The following SHQ1 variants were observed in gnomAD, a reference collection of about 807,000 sequenced individuals.
The protein encoded by SHQ1 is SHQ1, H/ACA ribonucleoprotein assembly factor.
SHQ1 carries 49 observed loss-of-function variants against 53.8 expected under a neutral mutation model. The observed-to-expected ratio is 0.91, with a 90% CI of 0.72 to 1.16. The LOEUF is 1.16. Ranked by LOEUF, SHQ1 falls within the 50% of genes most tolerant of loss-of-function variation. The pLI, the probability that SHQ1 is intolerant of heterozygous loss-of-function variation, is 0.00. For missense variants in SHQ1, 738 were observed against 683.1 expected, an observed-to-expected ratio of 1.08 and a Z score of -0.90; for synonymous variants, 243 against 251.0, an observed-to-expected ratio of 0.97 and a Z score of 0.30.
the SHQ1 span, among the ~76,000 whole-genome samples, chr3:72,728,929 T>TG: frequency 6.6e-6 from 1 of 152,226 alleles, no homozygotes; most frequent in African/African-American, 2.4e-5. Flanking sequence ...ATGCTGTTGT[T>TG]GGATTCTCGC....
At chr3:72,801,390 G>T (rs1370869652) in intron 9 of SHQ1, among the ~76,000 whole-genome samples, 1 of 151,972 alleles carries the variant, frequency 6.6e-6, no homozygotes, top group African/African-American at 2.4e-5. Flanking sequence ...TTTTCCAACA[G>T]ATACCACTTA....
At chr3:72,783,881 C>T (rs1706145577) in intron 10 of SHQ1, among the ~76,000 whole-genome samples, 1 of 152,046 alleles carries the variant, frequency 6.6e-6, no homozygotes, top group African/African-American at 2.4e-5. Context: ...GAGCACTACT[C>T]AATTTCCAGT....
chr3:72,780,454 C>A (rs1013075126), intron 10 of SHQ1, among the ~76,000 whole-genome samples: 2 of 152,140 alleles, frequency 1.3e-5, no homozygotes, highest in African/African-American at 4.8e-5. Flanking sequence ...AAGAACTAAA[C>A]CCTTATTTTT....
At chr3:72,845,947 A>C (rs1485105206) in intron 1 of SHQ1, among the ~76,000 whole-genome samples, 1 of 152,246 alleles carries the variant, frequency 6.6e-6, no homozygotes, top group African/African-American at 2.4e-5. Context: ...ATTAACTCCT[A>C]GATCTGCCAT....
the SHQ1 span, among the ~76,000 whole-genome samples, chr3:72,725,425 A>G: frequency 6.6e-6 from 1 of 151,890 alleles, no homozygotes; most frequent in Non-Finnish European, 1.5e-5. Flanking sequence ...CGCTCTGTGG[A>G]AAGTTCTCAT....
chr3:72,735,652 A>G, the SHQ1 span, among the ~76,000 whole-genome samples: 1 of 146,036 alleles, frequency 6.8e-6, no homozygotes, highest in Non-Finnish European at 1.5e-5. Flanking sequence ...TATATTGCTC[A>G]GAATGTGTTT....
At chr3:72,847,225 A>C (rs77618856) in intron 1 of SHQ1, among the ~76,000 whole-genome samples, 4,538 of 152,302 alleles carry the variant, frequency 0.03, 197 homozygotes, top group African/African-American at 0.089. Context: ...GTCTAAGGGA[A>C]ATCTGAGCAA....
chr3:72,842,208 T>C lies in SHQ1; in HGVS notation c.331+72A>G, dbSNP rs1043623854. The C allele has an allele frequency of 4.5e-6, 7 of 1,541,398 alleles. No individual in the cohort carries two copies. In the Admixed American group the frequency reaches 1.2e-4, roughly 26 times the overall value. ...CAATTTCCTATTCACTATATCCCAT[T>C]TCCCCTACAAATACACAGCATTCCA... On this transcript the variant is annotated intron_variant, in intron 3 of 10. Transcript: ENST00000325599.
Position 72,832,448 on chromosome 3 carries a change from G to T in SHQ1, c.520C>A (p.Pro174Thr). The T allele has an allele frequency of 6.2e-7, 1 of 1,612,792 alleles. No individual in the cohort carries two copies. Among genetic ancestry groups the T allele is most frequent in the Non-Finnish European group, 8.5e-7 (1 of 1,179,836 alleles). ...CGTTCAGCTGCAGGGGTGAAATCTG[G>T]ATCCTTAATATCAATAACATCACTC... Reference protein sequence around the residue: ...ELSDVIDIKDPDFTPAAERRQ... With the variant: ...ELSDVIDIKDTDFTPAAERRQ... The change falls in exon 5 of 11, where the codon CCA becomes ACA. Residue 174 changes from proline to threonine, a missense_variant. By Grantham distance (38) the Pro-to-Thr change is conservative. Coordinates refer to ENST00000325599, the MANE Select transcript of SHQ1 (RefSeq NM_018130.3).
rs753826204 is a variant in SHQ1, at chr3:72,772,223, G to GA, written c.1181+20692dup. ...TAGAGAAAATGGAATGTGCCAAAGCGAAAAAAAAAAAAAGCTCCAGTTTAT... is the reference window on the plus strand; with the variant it reads ...TAGAGAAAATGGAATGTGCCAAAGCGAAAAAAAAAAAAAAGCTCCAGTTTAT... On this transcript the variant is annotated intron_variant, in intron 10 of 10. Transcript: ENST00000325599. Among the ~76,000 whole-genome samples the GA allele has an allele frequency of 6.6e-3, 864 of 131,368 alleles. 9 individuals are homozygous for GA. Among genetic ancestry groups the GA allele is most frequent in the African/African-American group, 0.021 (761 of 35,786 alleles). The allele number at this position is 131,368 out of a possible 152,430, so 86.2% of individuals were successfully genotyped here. A position where few individuals can be genotyped will look rare whatever the true frequency, so the allele number is the denominator to read the frequency against.
chr3:72,768,988 C>G (rs745911485), intron 10 of SHQ1, among the ~76,000 whole-genome samples: 2 of 152,174 alleles, frequency 1.3e-5, no homozygotes, highest in African/African-American at 2.4e-5. Context: ...TACAGCAGTG[C>G]ACAAGAAAAA....
At chr3:72,791,822 G>T (rs925207081) in intron 10 of SHQ1, among the ~76,000 whole-genome samples, 8 of 152,084 alleles carry the variant, frequency 5.3e-5, no homozygotes, top group Admixed American at 2.0e-4. Flanking sequence ...AAAGTGCTGG[G>T]ATTACAGGCA....
the SHQ1 span, among the ~76,000 whole-genome samples, chr3:72,736,741 C>T: frequency 2.3e-5 from 3 of 130,638 alleles, no homozygotes; most frequent in Non-Finnish European, 4.9e-5. Context: ...TGTAGTGAGC[C>T]GAGATTGTGC....
At position 72,788,205 on chromosome 3, in the gene SHQ1, C is replaced by T. The variant is rs534303896; in HGVS notation, c.1181+4711G>A. Among the ~76,000 whole-genome samples the T allele has an allele frequency of 1.5e-3, 227 of 151,866 alleles. 1 individual carries two copies. The highest frequency in any genetic ancestry group is 5.3e-3 in the African/African-American group (221 of 41,406). ...CTGGGATGTGAGGAGCCCCTCTGCC[C>T]GGCCGCCCAGTCTGGGAAGTGAGGA... On this transcript the variant is annotated intron_variant, in intron 10 of 10. Coordinates refer to ENST00000325599, the MANE Select transcript of SHQ1 (RefSeq NM_018130.3).
rs41291199 is a variant in SHQ1 at position 72,817,398 on chromosome 3, C to T, written c.728-14G>A. On this transcript the variant is annotated splice_polypyrimidine_tract_variant and intron_variant, in intron 6 of 10. Coordinates refer to ENST00000325599, the MANE Select transcript of SHQ1 (RefSeq NM_018130.3). ...CAGAAAAAGACACTAGAAGAAAACG[C>T]ATTTAAAAACTAGATGTTTCATTCA... is the stretch of plus-strand genomic sequence containing the variant. 2.6e-3 allele frequency: 4,076 copies of T among 1,591,752 alleles called. 10 individuals are homozygous for T. Among genetic ancestry groups the T allele is most frequent in the Non-Finnish European group, 3.0e-3 (3,500 of 1,167,176 alleles).
At chr3:72,814,920 G>A (rs1707261475) in intron 8 of SHQ1, among the ~76,000 whole-genome samples, 1 of 151,972 alleles carries the variant, frequency 6.6e-6, no homozygotes, top group Admixed American at 6.6e-5. Context: ...ACTGAGAATA[G>A]GTGAAGTTTT....
chr3:72,734,132 C>G, the SHQ1 span, among the ~76,000 whole-genome samples: 2 of 151,344 alleles, frequency 1.3e-5, no homozygotes, highest in Non-Finnish European at 2.9e-5. Flanking sequence ...TGCACTCCAG[C>G]CTGGGTGACA....
intron 10 of SHQ1, among the ~76,000 whole-genome samples, chr3:72,788,592 A>T (rs908041691): frequency 1.3e-5 from 2 of 152,206 alleles, no homozygotes; most frequent in Non-Finnish European, 2.9e-5. Flanking sequence ...CCAATAGCTC[A>T]TTGAGAACAG....
At chr3:72,735,093 G>A in the SHQ1 span, among the ~76,000 whole-genome samples, 3 of 151,614 alleles carry the variant, frequency 2.0e-5, no homozygotes, top group African/African-American at 7.3e-5. Flanking sequence ...TCAATACTAC[G>A]GTGCTTTGTT....
Sources: gnomAD v4.1 joint callset for allele counts (sites outside exome capture counted in the v4.1 genomes callset) on GRCh38, gnomAD v4.1.1 for gene constraint, MANE v1.5 for transcripts, NCBI Gene and HGNC (gene_info 2026-07-23, HGNC 2026-07-21) for gene names.